Variants in PRKN observed in about 807,000 individuals in gnomAD.
PRKN encodes the protein parkin RBR E3 ubiquitin protein ligase, also known as E3 ubiquitin-protein ligase parkin.
Under a neutral mutation model 59.5 loss-of-function variants are expected in PRKN, and 56 were observed. The observed-to-expected ratio is 0.94, with a 90% confidence interval of 0.76 to 1.18. PRKN has a LOEUF of 1.18. Ranked by LOEUF, PRKN falls within the 50% of genes most tolerant of loss-of-function variation. The pLI is 0.00. For synonymous variants in PRKN, 250 were observed against 222.1 expected, an observed-to-expected ratio of 1.13 and a Z score of -1.12; for missense variants, 657 against 596.4, an observed-to-expected ratio of 1.10 and a Z score of -1.06.
rs80290608 is a variant in PRKN at position 161,557,853 on chromosome 6, G to C, written c.934-8850C>G. On this transcript the variant is annotated intron_variant, in intron 8 of 11. Coordinates refer to ENST00000366898, the MANE Select transcript of PRKN (RefSeq NM_004562.3). ...GAGGTTGATTTTGTGCTGTCATAGT[G>C]TTTCCCAGAGTATCCTTTTGGGGGC... Among the ~76,000 whole-genome samples the C allele has an allele frequency of 4.9e-3, 741 of 152,190 alleles. 7 individuals are homozygous for C. The highest frequency in any genetic ancestry group is 0.017 in the African/African-American group (688 of 41,510).
chr6:162,549,830 G>T (rs1779264505), intron 1 of PRKN, among the ~76,000 whole-genome samples: 1 of 152,020 alleles, frequency 6.6e-6, no homozygotes, highest in Non-Finnish European at 1.5e-5. Flanking sequence ...GTAGAGACGA[G>T]GTTTCACCAC....
At chr6:162,216,567 C>T (rs1294467507) in intron 3 of PRKN, among the ~76,000 whole-genome samples, 1 of 143,368 alleles carries the variant, frequency 7.0e-6, no homozygotes, top group Admixed American at 6.8e-5. Context: ...AAAAAAAACC[C>T]AGTTTGCCTG....
Position 161,349,723 on chromosome 6 carries a change from T to C in PRKN, c.*376A>G, listed in dbSNP as rs1454980344. 1 of 375,386 alleles carries C rather than the reference T, an allele frequency of 2.7e-6. No individual in the cohort carries two copies. The highest frequency in any genetic ancestry group is 2.0e-5 in the African/African-American group (1 of 49,810). 23.3% of individuals were successfully genotyped at this position (375,386 alleles called of 1,614,324 possible). On this transcript the variant is annotated 3_prime_UTR_variant, in exon 12 of 12. Coordinates refer to ENST00000366898, the MANE Select transcript of PRKN (RefSeq NM_004562.3). The surrounding 1 kb of genome is among the most constrained non-coding windows in gnomAD (Gnocchi z 5.5). ...TCTCTCCAGCTACTGATTCTGCCTG[T>C]CTCGAATTCAGGTGAGAATGACCCA...
chr6:162,692,258 AG>A lies in PRKN; in HGVS notation c.7+35403del, dbSNP rs779495602. Among the ~76,000 whole-genome samples the A allele has an allele frequency of 4.6e-5, 7 of 152,196 alleles. No individual in the cohort carries two copies. In the South Asian group the frequency reaches 1.5e-3, roughly 32 times the overall value. ...GTGTATCAAGAGACTTGTGCAGTAA[AG>A]GGTTAACTTAGCAGTCTTGAGGTTT... On this transcript the variant is annotated intron_variant, in intron 1 of 11. Coordinates refer to ENST00000366898, the MANE Select transcript of PRKN (RefSeq NM_004562.3).
At chr6:161,849,805 C>A (rs113233596) in intron 6 of PRKN, among the ~76,000 whole-genome samples, 1 of 152,180 alleles carries the variant, frequency 6.6e-6, no homozygotes, top group Non-Finnish European at 1.5e-5. Context: ...AAAGACAAAT[C>A]TGAGGCGGGT....
chr6:161,623,543 T>C (rs1782983354), intron 7 of PRKN, among the ~76,000 whole-genome samples: 1 of 152,246 alleles, frequency 6.6e-6, no homozygotes, highest in African/African-American at 2.4e-5. Flanking sequence ...AACTGCTTTT[T>C]TGAAAAGCTT....
intron 1 of PRKN, among the ~76,000 whole-genome samples, chr6:162,618,844 G>A (rs1288852565): frequency 1.3e-5 from 2 of 152,068 alleles, no homozygotes; most frequent in East Asian, 1.9e-4. Context: ...ACCAATACTC[G>A]AGCAACACAT....
At chr6:161,979,477 T>C (rs1316585217) in intron 5 of PRKN, among the ~76,000 whole-genome samples, 1 of 152,142 alleles carries the variant, frequency 6.6e-6, no homozygotes, top group African/African-American at 2.4e-5. Context: ...TTTTACCATG[T>C]TGGCCAGGCT....
intron 7 of PRKN, among the ~76,000 whole-genome samples, chr6:161,753,685 G>GGAGCCC (rs1788790398): frequency 6.6e-6 from 1 of 152,162 alleles, no homozygotes; most frequent in Admixed American, 6.5e-5. Context: ...CCCGAGTGGG[G>GGAGCCC]GAGCCCAAGC....
intron 3 of PRKN, among the ~76,000 whole-genome samples, chr6:162,257,629 C>A (rs1488408084): frequency 1.3e-5 from 2 of 152,176 alleles, no homozygotes; most frequent in South Asian, 4.1e-4. Context: ...TGAACATGGT[C>A]TACCTTACAA....
chr6:161,549,176 A>G lies in PRKN; in HGVS notation c.934-173T>C, dbSNP rs1456581351. On this transcript the variant is annotated intron_variant, in intron 8 of 11. Coordinates refer to ENST00000366898, the MANE Select transcript of PRKN (RefSeq NM_004562.3). The surrounding 1 kb of genome is among the most constrained non-coding windows in gnomAD (Gnocchi z 6.0). ...GAGAGGGCCACGGGGTTGATAGGGG[A>G]GGACGAATATGGTTCAATGCAGTAA... is the stretch of plus-strand genomic sequence containing the variant. 3.3e-5 allele frequency among the ~76,000 whole-genome samples: 5 copies of G among 151,906 alleles called. No homozygotes were observed. The highest frequency in any genetic ancestry group is 3.3e-4 in the Admixed American group (5 of 15,236).
At chr6:162,329,806 G>A (rs944239860) in intron 2 of PRKN, among the ~76,000 whole-genome samples, 1 of 152,174 alleles carries the variant, frequency 6.6e-6, no homozygotes, top group East Asian at 1.9e-4. Flanking sequence ...ACCACAGAAA[G>A]GTAATTTAAG....
intron 3 of PRKN, among the ~76,000 whole-genome samples, chr6:162,205,762 G>T (rs1025971182): frequency 1.3e-5 from 2 of 151,790 alleles, no homozygotes; most frequent in Non-Finnish European, 2.9e-5. Context: ...ACACACACAC[G>T]TACATAGCAT....
At chr6:162,073,317 G>A (rs940436379) in intron 4 of PRKN, among the ~76,000 whole-genome samples, 2 of 152,194 alleles carry the variant, frequency 1.3e-5, no homozygotes, top group African/African-American at 4.8e-5. Context: ...GTTAACCAGA[G>A]CAAGTGTCTA....
chr6:161,720,003 C>T (rs1340647939), intron 7 of PRKN, among the ~76,000 whole-genome samples: 4 of 152,178 alleles, frequency 2.6e-5, no homozygotes, highest in Non-Finnish European at 5.9e-5. Context: ...TTTGCCTCCC[C>T]GTTTGCACTA....
At chr6:161,516,106 C>G (rs1302297451) in intron 9 of PRKN, among the ~76,000 whole-genome samples, 2 of 152,040 alleles carry the variant, frequency 1.3e-5, no homozygotes, top group Non-Finnish European at 2.9e-5. Context: ...TCTATATAAC[C>G]TTAAAACAGA....
Position 161,447,927 on chromosome 6 carries a change from T to C in PRKN, c.1084-61050A>G, listed in dbSNP as rs1789568146. The stretch of plus-strand genomic sequence containing the variant: ...GTGAGAGCAGGCTGTTTTTTCTCTC[T>C]GGTGCGTGACCACTGCTTCCTGATT... On this transcript the variant is annotated intron_variant, in intron 9 of 11. Coordinates refer to ENST00000366898, the MANE Select transcript of PRKN (RefSeq NM_004562.3). This position sits in a 1 kb window ranked among gnomAD's most constrained non-coding sequence, Gnocchi z 4.1. Among the ~76,000 whole-genome samples the C allele has an allele frequency of 6.6e-6, 1 of 152,220 alleles. No individual in the cohort carries two copies.
chr6:162,314,378 G>C (rs1259552479), intron 2 of PRKN, among the ~76,000 whole-genome samples: 1 of 152,160 alleles, frequency 6.6e-6, no homozygotes, highest in African/African-American at 2.4e-5. Flanking sequence ...AGGTATAAAT[G>C]TGACTCATAC....
chr6:161,681,828 C>T (rs146487642), intron 7 of PRKN, among the ~76,000 whole-genome samples: 179 of 152,352 alleles, frequency 1.2e-3, no homozygotes, highest in African/African-American at 4.1e-3. Flanking sequence ...CTAAGTCACA[C>T]TGTGTTCACC....
Sources: gnomAD v4.1 joint callset for allele counts (sites outside exome capture counted in the v4.1 genomes callset) on GRCh38, gnomAD v4.1.1 for gene constraint, Gnocchi (gnomAD v3.1) non-coding constraint, MANE v1.5 for transcripts, NCBI Gene and HGNC (gene_info 2026-07-23, HGNC 2026-07-21) for gene names.